The following SPATA16 variants were observed in gnomAD, a reference collection of about 807,000 sequenced individuals.
SPATA16 encodes spermatogenesis associated 16, also known as spermatogenesis-associated protein 16.
Under a neutral mutation model 63.3 loss-of-function variants are expected in SPATA16, and 36 were observed. That is an observed-to-expected ratio of 0.57 (90% CI 0.44 to 0.75). The LOEUF (loss-of-function observed/expected upper bound fraction) is 0.75, where lower values mean the gene tolerates loss of function less well. Among genes scored for constraint, SPATA16 ranks in the 30% least tolerant of loss-of-function variants. The pLI, the probability that SPATA16 is intolerant of heterozygous loss-of-function variation, is 0.00. For missense variants in SPATA16, 646 were observed against 679.3 expected, an observed-to-expected ratio of 0.95 and a Z score of 0.54; for synonymous variants, 203 against 216.7, an observed-to-expected ratio of 0.94 and a Z score of 0.56.
At chr3:173,049,729 T>G (rs2108294328) in intron 2 of SPATA16, among the ~76,000 whole-genome samples, 1 of 152,276 alleles carries the variant, frequency 6.6e-6, no homozygotes, top group South Asian at 2.1e-4. Flanking sequence ...TATGAATTCT[T>G]AATAAAAATT....
chr3:172,984,800 A>G (rs149699547), intron 4 of SPATA16, among the ~76,000 whole-genome samples: 1 of 152,260 alleles, frequency 6.6e-6, no homozygotes, highest in East Asian at 1.9e-4. Flanking sequence ...GCCTGTTCCT[A>G]GATTCTCAAT....
intron 9 of SPATA16, among the ~76,000 whole-genome samples, chr3:172,915,922 C>T (rs1204277329): frequency 6.6e-6 from 1 of 152,164 alleles, no homozygotes; most frequent in Non-Finnish European, 1.5e-5. Flanking sequence ...TTTCTAGGGT[C>T]ATTTTTCTAT....
intron 6 of SPATA16, among the ~76,000 whole-genome samples, chr3:172,933,044 T>G (rs1732905332): frequency 6.6e-6 from 1 of 152,196 alleles, no homozygotes. Context: ...ATTCCAAAGT[T>G]TTATGTTTAA....
At chr3:173,075,366 A>G (rs186754240) in intron 2 of SPATA16, among the ~76,000 whole-genome samples, 22 of 152,306 alleles carry the variant, frequency 1.4e-4, no homozygotes, top group Admixed American at 1.4e-3. Flanking sequence ...GAAGAATAGT[A>G]TGGAGGTTCC....
At chr3:173,117,066 A>G (rs2108336417) in intron 2 of SPATA16, 54 bp downstream of exon 2, 4 of 1,564,814 alleles carry the variant, frequency 2.6e-6, no homozygotes, top group Middle Eastern at 1.7e-4. Flanking sequence ...TGTAATTGCA[A>G]CTTTCCATTT....
intron 3 of SPATA16, among the ~76,000 whole-genome samples, chr3:173,036,998 C>T (rs1250303585): frequency 6.6e-6 from 1 of 151,844 alleles, no homozygotes; most frequent in Non-Finnish European, 1.5e-5. Flanking sequence ...TAAGCAAAAA[C>T]CCTTTGGGAT....
intron 1 of SPATA16, among the ~76,000 whole-genome samples, chr3:173,130,358 C>CAAAAAAAAAAAAAAAAAAA (rs1202660573): frequency 2.5e-5 from 1 of 39,892 alleles, no homozygotes; most frequent in African/African-American, 6.8e-5. Context: ...GACTTCGTCT[C>CAAAAAAAAAAAAAAAAAAA]AAAAAAAAAA....
chr3:172,905,017 C>T (rs1464647685), intron 10 of SPATA16, among the ~76,000 whole-genome samples: 2 of 152,056 alleles, frequency 1.3e-5, no homozygotes, highest in East Asian at 1.9e-4. Flanking sequence ...TCTTGTCTCC[C>T]TCCCTGCTTG....
At chr3:173,063,593 G>A (rs192572606) in intron 2 of SPATA16, among the ~76,000 whole-genome samples, 89 of 152,282 alleles carry the variant, frequency 5.8e-4, no homozygotes, top group African/African-American at 2.0e-3. Context: ...TTGCTGAACA[G>A]TAGTAAGACA....
chr3:172,985,169 A>G (rs937036177), intron 4 of SPATA16, among the ~76,000 whole-genome samples: 12 of 152,186 alleles, frequency 7.9e-5, no homozygotes, highest in Admixed American at 5.9e-4. Flanking sequence ...TCACTAGCAG[A>G]CATGTCCTAT....
At chr3:172,970,200 T>A (rs964764033) in intron 5 of SPATA16, among the ~76,000 whole-genome samples, 1 of 152,216 alleles carries the variant, frequency 6.6e-6, no homozygotes, top group African/African-American at 2.4e-5. Flanking sequence ...TTTCTCCTGC[T>A]CCGTGATGCC....
At chr3:172,972,152 T>G (rs1734060469) in intron 5 of SPATA16, among the ~76,000 whole-genome samples, 1 of 152,158 alleles carries the variant, frequency 6.6e-6, no homozygotes, top group Non-Finnish European at 1.5e-5. Context: ...ATGGGAAACA[T>G]TTCAATGCCA....
At chr3:172,998,353 G>T (rs73175098) in intron 4 of SPATA16, among the ~76,000 whole-genome samples, 2,554 of 152,102 alleles carry the variant, frequency 0.017, 39 homozygotes, top group Non-Finnish European at 0.028. Flanking sequence ...GATTATTGCT[G>T]GTTATAGGAA....
chr3:173,035,180 A>C (rs540248851), intron 3 of SPATA16, among the ~76,000 whole-genome samples: 2 of 151,370 alleles, frequency 1.3e-5, no homozygotes, highest in African/African-American at 4.8e-5. Flanking sequence ...CCTACTTGAG[A>C]GAAATAATAA....
intron 5 of SPATA16, among the ~76,000 whole-genome samples, chr3:172,971,474 A>T (rs1447311112): frequency 6.6e-6 from 1 of 152,206 alleles, no homozygotes; most frequent in African/African-American, 2.4e-5. Context: ...GTGCATTTTG[A>T]AAGCAGATTA....
intron 2 of SPATA16, among the ~76,000 whole-genome samples, chr3:173,061,099 C>A (rs981692167): frequency 6.6e-6 from 1 of 152,202 alleles, no homozygotes; most frequent in Non-Finnish European, 1.5e-5. Flanking sequence ...ACTTCAGTCA[C>A]CAGAGTTCAC....
chr3:173,082,840 C>CTGTCCAA (rs1397041044), intron 2 of SPATA16, among the ~76,000 whole-genome samples: 1 of 152,162 alleles, frequency 6.6e-6, no homozygotes, highest in Non-Finnish European at 1.5e-5. Flanking sequence ...GTGCCTCGGA[C>CTGTCCAA]TGTCCAATCA....
chr3:173,140,543 G>T (rs1393244769), intron 1 of SPATA16, among the ~76,000 whole-genome samples: 2 of 152,084 alleles, frequency 1.3e-5, no homozygotes, highest in African/African-American at 4.8e-5. Flanking sequence ...ATGATGACAT[G>T]GTCTATGTCT....
intron 3 of SPATA16, among the ~76,000 whole-genome samples, chr3:173,038,366 G>T (rs760095791): frequency 1.2e-4 from 18 of 152,026 alleles, no homozygotes; most frequent in African/African-American, 3.9e-4. Flanking sequence ...TTACAGTATA[G>T]CCTGGGTGAG....
Sources: allele counts gnomAD v4.1 joint callset (sites outside exome capture counted in the v4.1 genomes callset), GRCh38; gene constraint gnomAD v4.1.1; transcripts MANE v1.5; gene names NCBI Gene and HGNC (gene_info 2026-07-23, HGNC 2026-07-21).